ATE1: variants seen among roughly 807,000 people sequenced by gnomAD.
The protein encoded by ATE1 is arginyl-tRNA--protein transferase 1.
A neutral mutation model predicts 70.5 loss-of-function variants in ATE1; 36 were observed. The ratio of observed to expected loss-of-function variants is 0.51; its 90% CI spans 0.39 to 0.67. The LOEUF is 0.67. Among genes scored for constraint, ATE1 ranks in the 30% least tolerant of loss-of-function variants. ATE1 has a pLI of 0.00. For synonymous variants in ATE1, 232 were observed against 219.3 expected (o/e 1.06, Z -0.51); for missense variants, 593 against 629.5 (o/e 0.94, Z 0.62).
At chr10:121,886,439 T>TA (rs1464978882) in intron 7 of ATE1, among the ~76,000 whole-genome samples, 3 of 152,110 alleles carry the variant, frequency 2.0e-5, no homozygotes, top group Admixed American at 2.0e-4. Flanking sequence ...CTGCTGTGTA[T>TA]ACATGGTCCC....
At chr10:121,795,647 C>G (rs1175810626) in intron 10 of ATE1, among the ~76,000 whole-genome samples, 1 of 152,170 alleles carries the variant, frequency 6.6e-6, no homozygotes, top group Non-Finnish European at 1.5e-5. Flanking sequence ...CTTCTAAGTA[C>G]AGGCTCATTT....
chr10:121,865,710 T>C (rs928994024), intron 8 of ATE1, among the ~76,000 whole-genome samples: 3 of 152,194 alleles, frequency 2.0e-5, no homozygotes, highest in Non-Finnish European at 4.4e-5. Flanking sequence ...AAAGCTCTTT[T>C]CCCATAAAGC....
intron 11 of ATE1, among the ~76,000 whole-genome samples, chr10:121,761,806 T>C (rs985866848): frequency 2.0e-5 from 3 of 152,256 alleles, no homozygotes; most frequent in Non-Finnish European, 4.4e-5. Context: ...CTGTAAATTA[T>C]AGTATCTTGT....
At chr10:121,894,723 AC>A (rs1215237022) in intron 7 of ATE1, among the ~76,000 whole-genome samples, 2 of 151,870 alleles carry the variant, frequency 1.3e-5, no homozygotes, top group African/African-American at 4.8e-5. Context: ...ACACGGTGAA[AC>A]CCCGTCTCTA....
chr10:121,876,613 A>G (rs1252572311), intron 7 of ATE1, among the ~76,000 whole-genome samples: 1 of 152,238 alleles, frequency 6.6e-6, no homozygotes, highest in East Asian at 1.9e-4. Flanking sequence ...TAAAATCCAG[A>G]TAACAGTATA....
At chr10:121,906,578 G>T (rs1018874318) in intron 5 of ATE1, among the ~76,000 whole-genome samples, 3 of 118,602 alleles carry the variant, frequency 2.5e-5, no homozygotes, top group Admixed American at 9.1e-5. Context: ...GCTTTTGCAG[G>T]TTCCAAAAAA....
intron 11 of ATE1, among the ~76,000 whole-genome samples, chr10:121,787,050 C>T (rs1946244538): frequency 6.6e-6 from 1 of 152,120 alleles, no homozygotes; most frequent in African/African-American, 2.4e-5. Flanking sequence ...CAAGTTATTG[C>T]AGCTTGTCAA....
intron 7 of ATE1, among the ~76,000 whole-genome samples, chr10:121,897,698 C>T (rs1950830865): frequency 6.6e-6 from 1 of 151,958 alleles, no homozygotes; most frequent in Admixed American, 6.6e-5. Flanking sequence ...TGGTGGCACG[C>T]GCCTGTAGTC....
At chr10:121,776,193 C>T (rs571188096) in intron 11 of ATE1, among the ~76,000 whole-genome samples, 11 of 152,158 alleles carry the variant, frequency 7.2e-5, no homozygotes, top group Non-Finnish European at 1.5e-4. Flanking sequence ...TTCCACTCTT[C>T]CAGTTAATTT....
chr10:121,835,385 T>A (rs1948395497), intron 10 of ATE1, among the ~76,000 whole-genome samples: 1 of 151,160 alleles, frequency 6.6e-6, no homozygotes, highest in Non-Finnish European at 1.5e-5. Context: ...CCCCAGTCAT[T>A]CAGTGCTTAA....
At chr10:121,850,751 C>T (rs529077536) in intron 8 of ATE1, among the ~76,000 whole-genome samples, 1 of 152,272 alleles carries the variant, frequency 6.6e-6, no homozygotes, top group East Asian at 1.9e-4. Flanking sequence ...CTCCACTGTA[C>T]ACTTTTCTGG....
intron 11 of ATE1, among the ~76,000 whole-genome samples, chr10:121,746,742 ATT>A (rs1243847998): frequency 7.3e-6 from 1 of 137,766 alleles, no homozygotes; most frequent in African/African-American, 2.7e-5. Flanking sequence ...TACATCCCTT[ATT>A]TTGTAATTGT....
At chr10:121,902,679 CAT>C (rs1484458849) in intron 5 of ATE1, 59 bp from the exon 6 acceptor site, 7 of 1,486,714 alleles carry the variant, frequency 4.7e-6, no homozygotes, top group East Asian at 2.5e-5. Flanking sequence ...AGTTTTTTCA[CAT>C]GTCTCAAAGA....
At chr10:121,819,839 A>T (rs894107079) in intron 10 of ATE1, among the ~76,000 whole-genome samples, 5 of 151,860 alleles carry the variant, frequency 3.3e-5, no homozygotes, top group Admixed American at 6.6e-5. Flanking sequence ...ATTAAAATTT[A>T]AAAATAAACC....
intron 11 of ATE1, among the ~76,000 whole-genome samples, chr10:121,783,318 C>T (rs1946073302): frequency 6.6e-6 from 1 of 152,094 alleles, no homozygotes; most frequent in South Asian, 2.1e-4. Context: ...CACACTCCAT[C>T]TATATTATGT....
chr10:121,928,034 C>A, upstream of ATE1: 1 of 1,255,612 alleles, frequency 8.0e-7, no homozygotes. Context: ...AGCGCGCCGC[C>A]CGGGAGCCTC....
chr10:121,751,734 ACTCT>A (rs2135712148), intron 11 of ATE1, among the ~76,000 whole-genome samples: 1 of 152,120 alleles, frequency 6.6e-6, no homozygotes, highest in Non-Finnish European at 1.5e-5. Context: ...TTGGAAATAC[ACTCT>A]CTCATTCTGT....
chr10:121,853,453 TGA>T (rs1196376547), intron 8 of ATE1, among the ~76,000 whole-genome samples: 1 of 151,702 alleles, frequency 6.6e-6, no homozygotes, highest in Admixed American at 6.6e-5. Context: ...TTTTGAGCAC[TGA>T]GAAATAATGT....
At chr10:121,801,564 A>T (rs1946880336) in intron 10 of ATE1, among the ~76,000 whole-genome samples, 1 of 152,194 alleles carries the variant, frequency 6.6e-6, no homozygotes, top group Non-Finnish European at 1.5e-5. Context: ...ATAAAGAGAG[A>T]AAGAAAAACT....
Sources: gnomAD v4.1 joint callset for allele counts (sites outside exome capture counted in the v4.1 genomes callset) on GRCh38, gnomAD v4.1.1 for gene constraint, MANE v1.5 for transcripts, NCBI Gene and HGNC (gene_info 2026-07-23, HGNC 2026-07-21) for gene names.